The following RBMS2 variants were observed in gnomAD, a reference collection of about 807,000 sequenced individuals.
The protein encoded by RBMS2 is RNA binding motif single stranded interacting protein 2, also known as RNA-binding motif, single-stranded-interacting protein 2.
In RBMS2, 38 loss-of-function variants were observed where a neutral mutation model predicts 58.4. That is an observed-to-expected ratio of 0.65 (90% CI 0.50 to 0.85). The LOEUF (loss-of-function observed/expected upper bound fraction) is 0.85, where lower values mean the gene tolerates loss of function less well. RBMS2 is among the 40% of genes least tolerant of loss of function. RBMS2 has a pLI of 0.00. For missense variants in RBMS2, 367 were observed against 503.7 expected (o/e 0.73, Z 2.60); for synonymous variants, 151 against 180.7 (o/e 0.84, Z 1.32).
intron 5 of RBMS2, among the ~76,000 whole-genome samples, chr12:56,580,680 G>A (rs1366247540): frequency 6.6e-6 from 1 of 151,948 alleles, no homozygotes; most frequent in Non-Finnish European, 1.5e-5. Flanking sequence ...TATCACTATG[G>A]GCCATGAACT....
chr12:56,538,982 C>T (rs1875541419), intron 1 of RBMS2, among the ~76,000 whole-genome samples: 1 of 126,244 alleles, frequency 7.9e-6, no homozygotes, highest in African/African-American at 2.9e-5. Flanking sequence ...CTTTTCAAAT[C>T]ATTCGTTGTT....
At chr12:56,562,679 C>T in intron 2 of RBMS2, 96 bp downstream of exon 2, 1 of 1,364,810 alleles carries the variant, frequency 7.3e-7, no homozygotes, top group Non-Finnish European at 1.0e-6. Context: ...TCTTGAACTC[C>T]TGGGCTCAAG....
At chr12:56,534,188 A>G (rs959758563) in intron 1 of RBMS2, among the ~76,000 whole-genome samples, 104 of 118,422 alleles carry the variant, frequency 8.8e-4, no homozygotes, top group African/African-American at 2.7e-3. Context: ...GATGTGGTTT[A>G]TCCATTTTTT....
Position 56,569,777 on chromosome 12 carries a change from G to C in RBMS2, c.293-122G>C, listed in dbSNP as rs893771074. ...GATAACTACCTGAAACCTCTCAATAGCTCTTTCTCCCTCCCATTTCTGTTA... is the reference window on the plus strand; with the variant it reads ...GATAACTACCTGAAACCTCTCAATACCTCTTTCTCCCTCCCATTTCTGTTA... On this transcript the variant is annotated intron_variant, in intron 3 of 13. Coordinates refer to ENST00000262031, the MANE Select transcript of RBMS2 (RefSeq NM_002898.4). The C allele has an allele frequency of 7.1e-6, 6 of 843,806 alleles. No homozygotes were observed. The African/African-American group carries it at 8.6e-5, about 12-fold the overall frequency. 52.3% of individuals were successfully genotyped at this position (843,806 alleles called of 1,614,324 possible). A position where few individuals can be genotyped will look rare whatever the true frequency, so the allele number is the denominator to read the frequency against.
intron 5 of RBMS2, among the ~76,000 whole-genome samples, chr12:56,575,201 G>A (rs951103722): frequency 3.9e-5 from 6 of 151,904 alleles, no homozygotes; most frequent in Admixed American, 1.3e-4. Context: ...GGCTGAGGCG[G>A]GCAGATCACT....
chr12:56,569,779 T>C, intron 3 of RBMS2, 120 bp from the exon 4 acceptor site: 1 of 853,224 alleles, frequency 1.2e-6, no homozygotes, highest in East Asian at 2.5e-5. Flanking sequence ...TCTCAATAGC[T>C]CTTTCTCCCT....
chr12:56,594,739 C>G lies in RBMS2; in HGVS notation c.*5606C>G, dbSNP rs1200989750. On this transcript the variant is annotated 3_prime_UTR_variant, in exon 14 of 14. Transcript: ENST00000262031. The stretch of plus-strand genomic sequence containing the variant: ...ACAAAAGCCAGGTGCCCTCATCACC[C>G]GTTACCCCTGACCTGTCCACTTGTT... 1 of 152,186 alleles carries G rather than the reference C, an allele frequency of 6.6e-6. No homozygotes were observed. The highest frequency in any genetic ancestry group is 1.5e-5 in the Non-Finnish European group (1 of 68,056). 9.4% of individuals were successfully genotyped at this position (152,186 alleles called of 1,614,324 possible).
intron 5 of RBMS2, chr12:56,573,142 C>T (rs1882576925): frequency 1.0e-6 from 1 of 983,448 alleles, no homozygotes; most frequent in Non-Finnish European, 1.2e-6. Context: ...GGTCCGTGAA[C>T]ACCCCCTTAC....
At chr12:56,582,348 C>A (rs926199542) in intron 9 of RBMS2, among the ~76,000 whole-genome samples, 196 bp downstream of exon 9, 12 of 152,256 alleles carry the variant, frequency 7.9e-5, no homozygotes, top group African/African-American at 2.6e-4. Flanking sequence ...TGTCCTCTTA[C>A]TCCCCCTCCA....
At chr12:56,567,058 G>A (rs559841892) in intron 2 of RBMS2, among the ~76,000 whole-genome samples, 4 of 152,080 alleles carry the variant, frequency 2.6e-5, no homozygotes, top group African/African-American at 7.2e-5. Context: ...TTTATCTACT[G>A]CACAGAAATA....
At chr12:56,556,486 C>T (rs1879259694) in intron 1 of RBMS2, among the ~76,000 whole-genome samples, 2 of 151,698 alleles carry the variant, frequency 1.3e-5, no homozygotes, top group Admixed American at 1.3e-4. Context: ...AGCGATTCTC[C>T]TGCCTCAGCC....
At chr12:56,579,859 T>C (rs1883670298) in intron 5 of RBMS2, among the ~76,000 whole-genome samples, 1 of 152,130 alleles carries the variant, frequency 6.6e-6, no homozygotes, top group South Asian at 2.1e-4. Flanking sequence ...CACCATGTGG[T>C]AGGGTAGATG....
In RBMS2 at chr12:56,590,167, C is replaced by T. The variant is rs1885201601; in HGVS notation, c.*1034C>T. On this transcript the variant is annotated 3_prime_UTR_variant, in exon 14 of 14. Coordinates refer to ENST00000262031, the MANE Select transcript of RBMS2 (RefSeq NM_002898.4). ...AGGTATAGCTTTTTGGGAGTACCTG[C>T]TTTCTTGCCTCCTGGAGGATATTTT... 6.6e-6 allele frequency: 1 copy of T among 152,276 alleles called. No individual in the cohort carries two copies. The highest frequency in any genetic ancestry group is 1.5e-5 in the Non-Finnish European group (1 of 68,098). The allele number at this position is 152,276 out of a possible 1,614,324, so 9.4% of individuals were successfully genotyped here.
chr12:56,587,799 A>G (rs1592516833), intron 11 of RBMS2, 135 bp downstream of exon 11: 8 of 1,299,774 alleles, frequency 6.2e-6, no homozygotes, highest in East Asian at 2.6e-5. Context: ...AGAACAGGAC[A>G]TAAACTACAA....
At chr12:56,536,799 C>G (rs765255155) in intron 1 of RBMS2, among the ~76,000 whole-genome samples, 1 of 151,852 alleles carries the variant, frequency 6.6e-6, no homozygotes, top group Non-Finnish European at 1.5e-5. Context: ...GAACTCCTGA[C>G]CTCATGATCT....
In RBMS2 at chr12:56,566,208, C is replaced by G. The variant is rs972655110; in HGVS notation, c.234-2767C>G. ...TCTACTAAAAAAGTCAGTGAGATGC[C>G]GCCAAGGAGTGAAAACAAATCAATC... On this transcript the variant is annotated intron_variant, in intron 2 of 13. Coordinates refer to ENST00000262031, the MANE Select transcript of RBMS2 (RefSeq NM_002898.4). Among the ~76,000 whole-genome samples the G allele has an allele frequency of 2.0e-5, 3 of 152,064 alleles. No homozygotes were observed. In the South Asian group the frequency reaches 6.2e-4, roughly 32 times the overall value.
intron 5 of RBMS2, among the ~76,000 whole-genome samples, chr12:56,573,650 C>T (rs1026273835): frequency 6.6e-6 from 1 of 151,938 alleles, no homozygotes; most frequent in African/African-American, 2.4e-5. Context: ...GGTTCTTAAC[C>T]TTTCTCAGTT....
intron 1 of RBMS2, among the ~76,000 whole-genome samples, chr12:56,542,236 CT>C (rs57874183): frequency 6.7e-6 from 1 of 149,946 alleles, no homozygotes; most frequent in Non-Finnish European, 1.5e-5. Context: ...ATTTTTCTTT[CT>C]TTTTTTTTGT....
chr12:56,576,951 G>C (rs920188309), intron 5 of RBMS2, among the ~76,000 whole-genome samples: 1 of 145,752 alleles, frequency 6.9e-6, no homozygotes, highest in African/African-American at 2.6e-5. Flanking sequence ...TGAGGTGAGA[G>C]AATCACTTGA....
Sources: allele counts gnomAD v4.1 joint callset (sites outside exome capture counted in the v4.1 genomes callset), GRCh38; gene constraint gnomAD v4.1.1; transcripts MANE v1.5; gene names NCBI Gene and HGNC (gene_info 2026-07-23, HGNC 2026-07-21).